The following HAS3 variants were observed in gnomAD, a reference collection of about 807,000 sequenced individuals.
The protein encoded by HAS3 is hyaluronan synthase 3, also known as HA synthase 3.
Under a neutral mutation model 50.3 loss-of-function variants are expected in HAS3, and 27 were observed. The observed-to-expected ratio is 0.54, with a 90% CI of 0.40 to 0.74. The LOEUF (loss-of-function observed/expected upper bound fraction) is 0.74. Among genes scored for constraint, HAS3 ranks in the 30% least tolerant of loss-of-function variants. The pLI, the probability that HAS3 is intolerant of heterozygous loss-of-function variation, is 0.00. For missense variants in HAS3, 517 were observed against 742.8 expected (o/e 0.70, Z 3.53); for synonymous variants, 339 against 310.9 (o/e 1.09, Z -0.95).
chr16:69,097,088 G>C, the HAS3 span, among the ~76,000 whole-genome samples: 2 of 152,028 alleles, frequency 1.3e-5, no homozygotes, highest in African/African-American at 4.8e-5. Flanking sequence ...AGAAGTTGAG[G>C]CTGCAGTGAG....
At chr16:69,117,759 AC>A (rs1961258971), downstream of HAS3, 1 of 441,734 alleles carries the variant, frequency 2.3e-6, no homozygotes, top group African/African-American at 2.1e-5. Flanking sequence ...GGGACTCAAG[AC>A]CTGGGCAATA....
chr16:69,091,225 A>G, the HAS3 span, among the ~76,000 whole-genome samples: 1 of 152,006 alleles, frequency 6.6e-6, no homozygotes, highest in Non-Finnish European at 1.5e-5. Context: ...ATTTTTTCTG[A>G]GTCATATACC....
the HAS3 span, chr16:69,083,514 C>T: frequency 6.2e-7 from 1 of 1,612,406 alleles, no homozygotes; most frequent in East Asian, 2.2e-5. Context: ...AGGATCTCTA[C>T]CACCTGCTGA....
chr16:69,109,896 G>A lies in HAS3; in HGVS notation c.501G>A (p.Leu167=). ...EAGEGETEAS[L]QEGMDRVRDV... is the part of the protein sequence containing the mutation. The stretch of plus-strand genomic sequence containing the variant: ...GCGAGGGTGAGACGGAGGCCAGCCT[G>A]CAGGAGGGCATGGACCGTGTGCGGG... The change falls in exon 2 of 4, where the codon CTG becomes CTA. Residue 167 remains leucine, a synonymous_variant. Transcript: ENST00000569188. This position sits in a 1 kb window ranked among gnomAD's most constrained non-coding sequence, Gnocchi z 5.3. 1 of 1,613,998 alleles carries A rather than the reference G, an allele frequency of 6.2e-7. No individual in the cohort carries two copies. The highest frequency in any genetic ancestry group is 8.5e-7 in the Non-Finnish European group (1 of 1,180,044).
rs376661449 is a variant in HAS3, at chr16:69,109,335, T to C, written c.1-61T>C. ...CACTAGTAACAGAGAACACCCATGC[T>C]CCCACGGACTGGAAATGCTGCCTCC... On this transcript the variant is annotated intron_variant, in intron 1 of 3. Coordinates refer to ENST00000569188, the MANE Select transcript of HAS3 (RefSeq NM_001199280.2). The surrounding 1 kb of genome is among the most constrained non-coding windows in gnomAD (Gnocchi z 5.3). The C allele has an allele frequency of 2.6e-6, 4 of 1,516,856 alleles. No homozygotes were observed. In the South Asian group the frequency reaches 3.7e-5, roughly 14 times the overall value. 94.0% of individuals were successfully genotyped at this position (1,516,856 alleles called of 1,614,324 possible).
In HAS3 at chr16:69,114,553, G is replaced by A. The variant is rs748393288; in HGVS notation, c.949G>A (p.Asp317Asn). 4 of 1,614,084 alleles carry A rather than the reference G, an allele frequency of 2.5e-6. No homozygotes were observed. Among genetic ancestry groups the A allele is most frequent in the Non-Finnish European group, 3.4e-6 (4 of 1,180,026 alleles). ...AGGCAGCAAGTGCAGCTTCGGGGAT[G>A]ACCGGCACCTCACCAACCGAGTCCT... ...FLGSKCSFGDDRHLTNRVLSL... is the reference protein window; with the variant it reads ...FLGSKCSFGDNRHLTNRVLSL... The change falls in exon 4 of 4, where the codon GAC becomes AAC. Residue 317 changes from aspartate to asparagine, a missense_variant. Asp to Asn is a conservative substitution (Grantham distance 23). Coordinates refer to ENST00000569188, the MANE Select transcript of HAS3 (RefSeq NM_001199280.2). The surrounding 1 kb of genome is among the most constrained non-coding windows in gnomAD (Gnocchi z 6.4).
At position 69,117,433 on chromosome 16, in the gene HAS3, C is replaced by T; in HGVS notation, c.*2167C>T. 6 of 985,852 alleles carry T rather than the reference C, an allele frequency of 6.1e-6. No individual in the cohort carries two copies. The highest frequency in any genetic ancestry group is 7.2e-6 in the Non-Finnish European group (6 of 829,912). 61.1% of individuals were successfully genotyped at this position (985,852 alleles called of 1,614,324 possible). ...TACATTTTTCAGCAGCAAAACCAAACTGGGTCTTCAGCTTTATCCCCGTTT... is the reference window on the plus strand; with the variant it reads ...TACATTTTTCAGCAGCAAAACCAAATTGGGTCTTCAGCTTTATCCCCGTTT... On this transcript the variant is annotated 3_prime_UTR_variant, in exon 4 of 4. Coordinates refer to ENST00000569188, the MANE Select transcript of HAS3 (RefSeq NM_001199280.2).
Position 69,114,640 on chromosome 16 carries a change from A to G in HAS3, c.1036A>G (p.Lys346Glu), listed in dbSNP as rs1961120977. Residue 346 changes from lysine to glutamate, a missense_variant, in exon 4 of 4, where the codon AAG becomes GAG. Lys to Glu is a moderately conservative substitution (Grantham distance 56). Coordinates refer to ENST00000569188, the MANE Select transcript of HAS3 (RefSeq NM_001199280.2). The surrounding 1 kb of genome is among the most constrained non-coding windows in gnomAD (Gnocchi z 6.4). ...RSKCLTETPT[K>E]YLRWLNQQTR... is the part of the protein sequence containing the mutation. The stretch of plus-strand genomic sequence containing the variant: ...CAAGTGCCTCACAGAGACCCCCACT[A>G]AGTACCTCCGGTGGCTCAACCAGCA... 5 of 1,613,896 alleles carry G rather than the reference A, an allele frequency of 3.1e-6. No homozygotes were observed. The South Asian group carries it at 5.5e-5, about 18-fold the overall frequency.
rs747868970 is a variant in HAS3, at chr16:69,113,545, A to G, written c.738+3A>G. ...GGGGAGTCGGGGGAGATGTCCAGGTAAGATGAGACCAGGGATATCTGTGGG... is the reference window on the plus strand; with the variant it reads ...GGGGAGTCGGGGGAGATGTCCAGGTGAGATGAGACCAGGGATATCTGTGGG... On this transcript the variant is annotated splice_donor_region_variant and intron_variant, in intron 3 of 3. Coordinates refer to ENST00000569188, the MANE Select transcript of HAS3 (RefSeq NM_001199280.2). 1.3e-6 allele frequency: 2 copies of G among 1,545,412 alleles called. No homozygotes were observed. The highest frequency in any genetic ancestry group is 1.4e-5 in the African/African-American group (1 of 73,764).
chr16:69,118,387 C>T, downstream of HAS3: 1 of 1,612,646 alleles, frequency 6.2e-7, no homozygotes. Context: ...TAGAGGATGA[C>T]CAGGTCCAAG....
At chr16:69,091,134 T>C in the HAS3 span, among the ~76,000 whole-genome samples, 1 of 152,216 alleles carries the variant, frequency 6.6e-6, no homozygotes. Context: ...CTGCCCAAGA[T>C]TACCACTGAC....
chr16:69,114,605 C>T lies in HAS3; in HGVS notation c.1001C>T (p.Thr334Ile), dbSNP rs561891942. 2 of 1,614,064 alleles carry T rather than the reference C, an allele frequency of 1.2e-6. No homozygotes were observed. The highest frequency in any genetic ancestry group is 2.2e-5 in the South Asian group (2 of 91,080). The change falls in exon 4 of 4, where the codon ACC becomes ATC. Residue 334 changes from threonine (T) to isoleucine (I), a missense_variant. Transcript: ENST00000569188. The surrounding 1 kb of genome is among the most constrained non-coding windows in gnomAD (Gnocchi z 6.4). ...VLSLGYRTKY[T>I]ARSKCLTETP... Reference sequence around the variant, plus strand: ...AGCCTTGGCTACCGAACTAAGTATACCGCGCGCTCCAAGTGCCTCACAGAG... The same window carrying T: ...AGCCTTGGCTACCGAACTAAGTATATCGCGCGCTCCAAGTGCCTCACAGAG...
At chr16:69,088,230 G>A in the HAS3 span, among the ~76,000 whole-genome samples, 2 of 152,128 alleles carry the variant, frequency 1.3e-5, no homozygotes, top group Non-Finnish European at 2.9e-5. Context: ...GAGTTTATGA[G>A]GCAGTGGAGG....
chr16:69,108,159 C>G (rs1033968787), intron 1 of HAS3, among the ~76,000 whole-genome samples: 1 of 152,134 alleles, frequency 6.6e-6, no homozygotes, highest in Non-Finnish European at 1.5e-5. Context: ...ATGGGAAGGC[C>G]GGCAGCCATC....
At chr16:69,097,459 AAG>A in the HAS3 span, among the ~76,000 whole-genome samples, 1 of 151,928 alleles carries the variant, frequency 6.6e-6, no homozygotes, top group South Asian at 2.1e-4. Context: ...AAAAAAAAAA[AAG>A]AGCCAAACAA....
the HAS3 span, among the ~76,000 whole-genome samples, chr16:69,088,020 A>G: frequency 6.6e-6 from 1 of 151,084 alleles, no homozygotes. Flanking sequence ...TCGTTTGTTC[A>G]CCCCTCTCCT....
At chr16:69,094,587 A>G in the HAS3 span, among the ~76,000 whole-genome samples, 8 of 152,170 alleles carry the variant, frequency 5.3e-5, no homozygotes, top group Non-Finnish European at 7.3e-5. Flanking sequence ...TGGGGACTCC[A>G]TTCCCCAAAA....
At chr16:69,112,025 T>C (rs1352230072) in intron 2 of HAS3, among the ~76,000 whole-genome samples, 1 of 152,232 alleles carries the variant, frequency 6.6e-6, no homozygotes, top group East Asian at 1.9e-4. Context: ...GCCTGTCTTC[T>C]AACCGCCTGC....
chr16:69,093,256 G>T, the HAS3 span, among the ~76,000 whole-genome samples: 6 of 152,142 alleles, frequency 3.9e-5, no homozygotes, highest in Non-Finnish European at 8.8e-5. Flanking sequence ...TGTCACTCAG[G>T]CTGGAGTGCA....
Sources: gnomAD v4.1 joint callset for allele counts (sites outside exome capture counted in the v4.1 genomes callset) on GRCh38, gnomAD v4.1.1 for gene constraint, Gnocchi (gnomAD v3.1) non-coding constraint, MANE v1.5 for transcripts, NCBI Gene and HGNC (gene_info 2026-07-23, HGNC 2026-07-21) for gene names.